SEMA6D: variants seen among roughly 807,000 people sequenced by gnomAD.
SEMA6D encodes the protein semaphorin-6D.
SEMA6D carries 35 observed loss-of-function variants against 106.6 expected under a neutral mutation model. The observed-to-expected ratio is 0.33, with a 90% CI of 0.25 to 0.44. The LOEUF is 0.44. Among genes scored for constraint, SEMA6D ranks in the 20% least tolerant of loss-of-function variants. The probability of loss-of-function intolerance (pLI) is 1.00; values close to 1 mark genes in which losing one functional copy is unlikely to be tolerated. For synonymous variants in SEMA6D, 499 were observed against 487.7 expected (o/e 1.02, Z -0.31); for missense variants, 1,185 against 1,345.9 (o/e 0.88, Z 1.87).
intron 18 of SEMA6D, 105 bp from the exon 19 acceptor site, chr15:47,770,392 C>T (rs2082565897): frequency 2.2e-6 from 2 of 920,112 alleles, no homozygotes; most frequent in East Asian, 2.5e-5. Context: ...CCGAGCTAAG[C>T]ATATGAACCA....
chr15:47,259,095 C>A (rs1372756939), intron 1 of SEMA6D, among the ~76,000 whole-genome samples: 1 of 152,026 alleles, frequency 6.6e-6, no homozygotes, highest in African/African-American at 2.4e-5. Context: ...GGGAAGCTTT[C>A]TTTGGTTTAC....
chr15:47,765,194 A>G, intron 13 of SEMA6D, 138 bp downstream of exon 13: 1 of 1,430,540 alleles, frequency 7.0e-7, no homozygotes, highest in Non-Finnish European at 9.1e-7. Context: ...TTCTCATTGA[A>G]ATAAATCTTG....
chr15:47,319,593 C>A (rs955116513), intron 1 of SEMA6D, among the ~76,000 whole-genome samples: 1 of 152,040 alleles, frequency 6.6e-6, no homozygotes, highest in African/African-American at 2.4e-5. Flanking sequence ...CCAGAGTGTG[C>A]CGGTGTTGGA....
chr15:47,399,927 C>T (rs550590333), intron 1 of SEMA6D, among the ~76,000 whole-genome samples: 1 of 152,282 alleles, frequency 6.6e-6, no homozygotes, highest in South Asian at 2.1e-4. Context: ...AACACAGGAA[C>T]ACACTGCAAA....
chr15:47,563,947 C>G (rs1395962252), intron 3 of SEMA6D, among the ~76,000 whole-genome samples: 1 of 152,184 alleles, frequency 6.6e-6, no homozygotes, highest in African/African-American at 2.4e-5. Context: ...CAAGTGCTGG[C>G]AGATGGAAGG....
At chr15:47,213,569 C>A (rs943003369) in intron 1 of SEMA6D, among the ~76,000 whole-genome samples, 3 of 152,122 alleles carry the variant, frequency 2.0e-5, no homozygotes, top group African/African-American at 7.2e-5. Flanking sequence ...CTAAATCAAC[C>A]CAAATCTGAT....
intron 3 of SEMA6D, among the ~76,000 whole-genome samples, chr15:47,571,745 T>C (rs1281846734): frequency 6.6e-6 from 1 of 152,214 alleles, no homozygotes; most frequent in East Asian, 1.9e-4. Context: ...TGCAAGATCA[T>C]TTTTGGTACA....
chr15:47,343,661 G>A (rs1426641213), intron 1 of SEMA6D, among the ~76,000 whole-genome samples: 1 of 152,078 alleles, frequency 6.6e-6, no homozygotes, highest in African/African-American at 2.4e-5. Context: ...TATCATTGTG[G>A]GATATTTGGG....
At chr15:47,609,866 C>T (rs982834364) in intron 4 of SEMA6D, among the ~76,000 whole-genome samples, 5 of 152,222 alleles carry the variant, frequency 3.3e-5, no homozygotes, top group African/African-American at 1.2e-4. Context: ...GACACCCTCT[C>T]CCACTGCCTG....
chr15:47,737,879 T>C (rs1227134309), intron 1 of SEMA6D, among the ~76,000 whole-genome samples: 1 of 152,174 alleles, frequency 6.6e-6, no homozygotes, highest in African/African-American at 2.4e-5. Flanking sequence ...CTAAAATGGT[T>C]GTACTAATTT....
rs550745237 is a variant in SEMA6D, at chr15:47,441,386, G to T, written c.-159+28914G>T. On this transcript the variant is annotated intron_variant, in intron 2 of 19. Transcript: ENST00000558014. Reference sequence around the variant, plus strand: ...AAGTAAAAATAAATTTGTAATGTAAGTTGGGAGGGTAGGAACAAGGTGTAT... The same window carrying T: ...AAGTAAAAATAAATTTGTAATGTAATTTGGGAGGGTAGGAACAAGGTGTAT... 3.3e-5 allele frequency among the ~76,000 whole-genome samples: 5 copies of T among 152,250 alleles called. 1 individual carries two copies. In the East Asian group the frequency reaches 9.7e-4, roughly 30 times the overall value.
intron 1 of SEMA6D, among the ~76,000 whole-genome samples, chr15:47,299,655 T>C (rs1462596065): frequency 6.6e-6 from 1 of 152,206 alleles, no homozygotes; most frequent in East Asian, 1.9e-4. Context: ...TCAGAATATG[T>C]GTATTGTTAT....
chr15:47,387,891 A>G (rs539299172), intron 1 of SEMA6D, among the ~76,000 whole-genome samples: 7 of 152,356 alleles, frequency 4.6e-5, no homozygotes, highest in Non-Finnish European at 8.8e-5. Flanking sequence ...GTTGTTTTGT[A>G]AGAATTAAAT....
intron 3 of SEMA6D, among the ~76,000 whole-genome samples, chr15:47,552,549 C>G (rs1029203331): frequency 4.1e-5 from 6 of 144,862 alleles, no homozygotes; most frequent in African/African-American, 1.5e-4. Context: ...CACACACACA[C>G]ACACACACAT....
intron 3 of SEMA6D, among the ~76,000 whole-genome samples, chr15:47,580,531 C>T (rs1265307137): frequency 1.3e-5 from 2 of 152,112 alleles, no homozygotes; most frequent in Non-Finnish European, 2.9e-5. Flanking sequence ...TATTACCTCT[C>T]ACTCACCAAC....
intron 4 of SEMA6D, among the ~76,000 whole-genome samples, chr15:47,607,807 T>C (rs2076813270): frequency 6.6e-6 from 1 of 152,210 alleles, no homozygotes; most frequent in East Asian, 1.9e-4. Context: ...CACTGGCCTT[T>C]CTTTAAAGAG....
In SEMA6D at chr15:47,494,739, G is replaced by GAGAT. The variant is rs1221207054; in HGVS notation, c.-87+24196_-87+24199dup. On this transcript the variant is annotated intron_variant, in intron 3 of 19. Coordinates refer to the SEMA6D transcript ENST00000558014. ...ATTTAAAAATCTGGAGAGTGGGATG[G>GAGAT]AGATATATATATATATATATATATA... 2.0e-3 allele frequency among the ~76,000 whole-genome samples: 83 copies of GAGAT among 42,406 alleles called. 2 individuals carry two copies. Among genetic ancestry groups the GAGAT allele is most frequent in the African/African-American group, 6.7e-3 (69 of 10,338 alleles). 27.8% of individuals were successfully genotyped at this position (42,406 alleles called of 152,430 possible).
chr15:47,680,005 T>G (rs947188255), intron 4 of SEMA6D, among the ~76,000 whole-genome samples: 1 of 152,120 alleles, frequency 6.6e-6, no homozygotes, highest in African/African-American at 2.4e-5. Flanking sequence ...TCACCAGATA[T>G]TCCCTTTCAT....
At chr15:47,317,291 C>G (rs930704697) in intron 1 of SEMA6D, among the ~76,000 whole-genome samples, 4 of 151,606 alleles carry the variant, frequency 2.6e-5, no homozygotes, top group Non-Finnish European at 5.9e-5. Context: ...TATGATGTCT[C>G]TCTCCCTCTA....
Sources: allele counts gnomAD v4.1 joint callset (sites outside exome capture counted in the v4.1 genomes callset), GRCh38; gene constraint gnomAD v4.1.1; transcripts MANE v1.5; gene names NCBI Gene and HGNC (gene_info 2026-07-23, HGNC 2026-07-21).